CDK14: variants seen among roughly 807,000 people sequenced by gnomAD.
The protein encoded by CDK14 is cyclin dependent kinase 14, also known as cyclin-dependent kinase 14.
A neutral mutation model predicts 60.7 loss-of-function variants in CDK14; 34 were observed. The observed-to-expected ratio is 0.56, with a 90% CI of 0.43 to 0.75. The LOEUF (loss-of-function observed/expected upper bound fraction) is 0.75. Among genes scored for constraint, CDK14 ranks in the 30% least tolerant of loss-of-function variants. CDK14 has a pLI of 0.00. For synonymous variants in CDK14, 197 were observed against 203.7 expected, an observed-to-expected ratio of 0.97 and a Z score of 0.28; for missense variants, 482 against 564.1, an observed-to-expected ratio of 0.85 and a Z score of 1.47.
At chr7:91,114,518 A>T (rs961243474) in intron 13 of CDK14, among the ~76,000 whole-genome samples, 6 of 152,206 alleles carry the variant, frequency 3.9e-5, no homozygotes. Context: ...TTTTGGCTGC[A>T]TTAATCCCTT....
chr7:90,735,716 G>A (rs559242859), intron 3 of CDK14, among the ~76,000 whole-genome samples: 3 of 152,266 alleles, frequency 2.0e-5, no homozygotes, highest in East Asian at 3.9e-4. Context: ...ACACTGCTAC[G>A]CTGGCAGCGA....
At chr7:90,909,569 G>A (rs2117388965) in intron 7 of CDK14, among the ~76,000 whole-genome samples, 1 of 151,934 alleles carries the variant, frequency 6.6e-6, no homozygotes, top group South Asian at 2.1e-4. Context: ...CTTATTATAA[G>A]TCTCCTAGCT....
At chr7:90,738,897 C>CT (rs10640762) in intron 3 of CDK14, among the ~76,000 whole-genome samples, 71,094 of 150,472 alleles carry the variant, frequency 0.47, 17,269 homozygotes, top group Non-Finnish European at 0.51. Context: ...CTGAATTATT[C>CT]TTTTTTTTTT....
chr7:90,863,395 T>G (rs1791070227), intron 6 of CDK14, 126 bp downstream of exon 6: 2 of 528,470 alleles, frequency 3.8e-6, no homozygotes, highest in South Asian at 2.9e-5. Context: ...TACATGAGAA[T>G]TATAATTTTG....
At chr7:90,709,959 T>A (rs1802001052) in intron 2 of CDK14, 1 of 1,083,196 alleles carries the variant, frequency 9.2e-7, no homozygotes. Flanking sequence ...AGCAAAACGG[T>A]AAGACAGAGC....
intron 8 of CDK14, among the ~76,000 whole-genome samples, chr7:90,938,254 G>T (rs1237150273): frequency 6.6e-6 from 1 of 152,128 alleles, no homozygotes; most frequent in Non-Finnish European, 1.5e-5. Flanking sequence ...TTTGTTTTGT[G>T]AGTCTTTCAA....
At chr7:90,891,753 G>A (rs1243561704) in intron 6 of CDK14, among the ~76,000 whole-genome samples, 1 of 152,202 alleles carries the variant, frequency 6.6e-6, no homozygotes, top group Non-Finnish European at 1.5e-5. Context: ...TGCTCCTGAA[G>A]AACATCGAAA....
intron 6 of CDK14, among the ~76,000 whole-genome samples, chr7:90,864,486 T>G (rs1791110464): frequency 6.6e-6 from 1 of 152,314 alleles, no homozygotes; most frequent in African/African-American, 2.4e-5. Flanking sequence ...CTAGATTTTC[T>G]TTACTATGCT....
chr7:90,979,655 A>G (rs1428487053), intron 9 of CDK14: 1 of 152,192 alleles, frequency 6.6e-6, no homozygotes, highest in Non-Finnish European at 1.5e-5. Context: ...AAAAAATTCT[A>G]AACTATTAGA....
intron 2 of CDK14, among the ~76,000 whole-genome samples, chr7:90,649,336 C>CCTTT (rs1800555693): frequency 2.1e-5 from 1 of 47,932 alleles, no homozygotes; most frequent in African/African-American, 1.3e-4. Flanking sequence ...TTCCTTCCTT[C>CCTTT]CTTCCTTCCT....
intron 14 of CDK14, among the ~76,000 whole-genome samples, chr7:91,155,755 T>C (rs1047815993): frequency 2.0e-5 from 3 of 152,216 alleles, no homozygotes; most frequent in African/African-American, 7.2e-5. Flanking sequence ...CATTGAAGTA[T>C]AGTAGAATGA....
intron 5 of CDK14, among the ~76,000 whole-genome samples, chr7:90,833,872 A>G (rs1790001822): frequency 6.6e-6 from 1 of 152,218 alleles, no homozygotes; most frequent in African/African-American, 2.4e-5. Flanking sequence ...CAAACCCCTC[A>G]TACCTTTTAT....
At chr7:91,106,675 C>G (rs746929689) in intron 12 of CDK14, among the ~76,000 whole-genome samples, 1 of 152,014 alleles carries the variant, frequency 6.6e-6, no homozygotes, top group Non-Finnish European at 1.5e-5. Context: ...AAATTGAACT[C>G]TAAATTTTAA....
intron 2 of CDK14, among the ~76,000 whole-genome samples, chr7:90,685,938 T>C (rs1801425663): frequency 6.6e-6 from 1 of 152,210 alleles, no homozygotes; most frequent in African/African-American, 2.4e-5. Flanking sequence ...TGTTTCTTTT[T>C]GTTGATATTT....
intron 6 of CDK14, among the ~76,000 whole-genome samples, chr7:90,884,784 A>C (rs146019919): frequency 0.017 from 2,527 of 152,270 alleles, 24 homozygotes; most frequent in Middle Eastern, 0.027. Context: ...ATCACCACAC[A>C]TCTGCAACTA....
chr7:90,998,857 C>T (rs183807426), intron 10 of CDK14, among the ~76,000 whole-genome samples: 1 of 151,964 alleles, frequency 6.6e-6, no homozygotes. Context: ...CCACTGCACT[C>T]CAGCCTGGGC....
intron 4 of CDK14, among the ~76,000 whole-genome samples, chr7:90,755,814 A>T (rs533265442): frequency 6.6e-6 from 1 of 152,160 alleles, no homozygotes; most frequent in Non-Finnish European, 1.5e-5. Context: ...TTTCCTAAAG[A>T]AAAATAGCAG....
At chr7:91,009,038 A>G (rs553245059) in intron 10 of CDK14, among the ~76,000 whole-genome samples, 15 of 151,776 alleles carry the variant, frequency 9.9e-5, no homozygotes, top group Non-Finnish European at 1.8e-4. Flanking sequence ...TCCATCCCCA[A>G]GCGACTACTG....
chr7:90,603,531 C>G (rs1176808683), intron 1 of CDK14, among the ~76,000 whole-genome samples: 1 of 152,144 alleles, frequency 6.6e-6, no homozygotes, highest in African/African-American at 2.4e-5. Flanking sequence ...TATAAGTACA[C>G]TCTGTGACAT....
Sources: allele counts gnomAD v4.1 joint callset (sites outside exome capture counted in the v4.1 genomes callset), GRCh38; gene constraint gnomAD v4.1.1; transcripts MANE v1.5; gene names NCBI Gene and HGNC (gene_info 2026-07-23, HGNC 2026-07-21).